Variants in CCDC88A observed in about 807,000 individuals in gnomAD.
The protein encoded by CCDC88A is girdin.
Under a neutral mutation model 234.3 loss-of-function variants are expected in CCDC88A, and 54 were observed. The observed-to-expected ratio is 0.23, with a 90% CI of 0.19 to 0.29. The LOEUF is 0.29. Ranked by LOEUF, CCDC88A falls within the 10% of genes least tolerant of loss-of-function variation. The probability of loss-of-function intolerance (pLI) is 1.00; values close to 1 mark genes in which losing one functional copy is unlikely to be tolerated. For missense variants in CCDC88A, 1,832 were observed against 2,123.4 expected (o/e 0.86, Z 2.70); for synonymous variants, 753 against 737.8 (o/e 1.02, Z -0.33).
At chr2:55,376,480 C>G (rs1673669725) in intron 3 of CCDC88A, among the ~76,000 whole-genome samples, 2 of 152,012 alleles carry the variant, frequency 1.3e-5, no homozygotes, top group African/African-American at 4.8e-5. Context: ...GAGCACTTAC[C>G]CATGGTCAGT....
intron 5 of CCDC88A, among the ~76,000 whole-genome samples, chr2:55,371,781 T>C (rs1558761049): frequency 1.1e-5 from 1 of 90,694 alleles, no homozygotes; most frequent in Non-Finnish European, 2.4e-5. Context: ...CCACCACGCC[T>C]AGCCCACTCT....
intron 12 of CCDC88A, chr2:55,340,138 T>C (rs1285863764): frequency 6.6e-6 from 1 of 152,320 alleles, no homozygotes; most frequent in Non-Finnish European, 1.5e-5. Context: ...ATGTTTAACT[T>C]TTAATGCATC....
chr2:55,419,649 T>C lies in CCDC88A; in HGVS notation c.-570A>G. ...GTACCAACAGGCAGGGCTCGCCCCTTCCCCCCGAGCAGACACCATTCCTCC... is the reference window on the plus strand; with the variant it reads ...GTACCAACAGGCAGGGCTCGCCCCTCCCCCCCGAGCAGACACCATTCCTCC... On this transcript the variant is annotated 5_prime_UTR_variant, in exon 1 of 33. Coordinates refer to ENST00000436346, the MANE Select transcript of CCDC88A (RefSeq NM_001365480.1). 1 of 149,184 alleles carries C rather than the reference T, an allele frequency of 6.7e-6. No individual in the cohort carries two copies. Among genetic ancestry groups the C allele is most frequent in the Non-Finnish European group, 1.5e-5 (1 of 67,668 alleles). 9.2% of individuals were successfully genotyped at this position (149,184 alleles called of 1,614,324 possible).
chr2:55,394,350 G>C (rs1389329092), intron 2 of CCDC88A: 1 of 152,102 alleles, frequency 6.6e-6, no homozygotes. Context: ...ATTTGGGTTG[G>C]TTCCAAGTCT....
chr2:55,349,495 T>C (rs1669599442), intron 9 of CCDC88A, 23 bp downstream of exon 9: 5 of 1,528,190 alleles, frequency 3.3e-6, no homozygotes, highest in Non-Finnish European at 2.7e-6. Context: ...TGGTCCTAAA[T>C]AACAGATATT....
Position 55,334,217 on chromosome 2 carries a change from G to C in CCDC88A, c.2604C>G (p.Thr868=), listed in dbSNP as rs1685239313. The C allele has an allele frequency of 6.9e-7, 1 of 1,446,942 alleles. No homozygotes were observed. Among genetic ancestry groups the C allele is most frequent in the Non-Finnish European group, 9.1e-7 (1 of 1,102,170 alleles). 89.6% of individuals were successfully genotyped at this position (1,446,942 alleles called of 1,614,324 possible). A position where few individuals can be genotyped will look rare whatever the true frequency, so the allele number is the denominator to read the frequency against. ...KIGNLEKENK[T]LSKEIGIYKE... ...TATATATACCAATTTCTTTGGATAG[G>C]GTTTTGTTTTCTTTTTCCAAATTTC... Residue 868 remains threonine, a synonymous_variant, in exon 15 of 33, where the codon ACC becomes ACG. Transcript: ENST00000436346. This position sits in a 1 kb window ranked among gnomAD's most constrained non-coding sequence, Gnocchi z 6.1.
intron 2 of CCDC88A, among the ~76,000 whole-genome samples, chr2:55,399,349 A>AC (rs1678197640): frequency 6.6e-6 from 1 of 151,862 alleles, no homozygotes; most frequent in South Asian, 2.1e-4. Flanking sequence ...AGATGGTGAA[A>AC]CCCCGTCTCT....
At chr2:55,380,627 T>C (rs987699420) in intron 3 of CCDC88A, among the ~76,000 whole-genome samples, 4 of 152,172 alleles carry the variant, frequency 2.6e-5, no homozygotes, top group African/African-American at 9.7e-5. Context: ...TTTTTCTTTA[T>C]TTTTTTGAGA....
At chr2:55,399,515 A>G (rs1243732897) in intron 2 of CCDC88A, among the ~76,000 whole-genome samples, 1 of 144,686 alleles carries the variant, frequency 6.9e-6, no homozygotes, top group Non-Finnish European at 1.5e-5. Context: ...CGACAGAATG[A>G]GACTCTGTCT....
chr2:55,412,592 G>C (rs139571875), intron 2 of CCDC88A, among the ~76,000 whole-genome samples: 14 of 152,250 alleles, frequency 9.2e-5, no homozygotes, highest in African/African-American at 3.4e-4. Flanking sequence ...GATGATCTGA[G>C]GTAGAACAGT....
intron 2 of CCDC88A, among the ~76,000 whole-genome samples, chr2:55,393,122 G>A (rs886623247): frequency 1.3e-5 from 2 of 151,358 alleles, no homozygotes; most frequent in African/African-American, 4.9e-5. Flanking sequence ...ATTTCCATTG[G>A]TAAAATTTTA....
rs765173549 is a variant in CCDC88A, at chr2:55,309,191, G to A, written c.4143C>T (p.Tyr1381=). ...TAGGAGGAGATGGGTCATAAAATTT[G>A]TATTGATCCATAATTTTCTCTTCTA... The part of the protein sequence containing the change: ...EKLEEKIMDQ[Y]KFYDPSPPRR... Residue 1381 remains tyrosine, a synonymous_variant, in exon 24 of 33, where the codon TAC becomes TAT. Coordinates refer to ENST00000436346, the MANE Select transcript of CCDC88A (RefSeq NM_001365480.1). This position sits in a 1 kb window ranked among gnomAD's most constrained non-coding sequence, Gnocchi z 5.1. 5.8e-6 allele frequency: 9 copies of A among 1,559,916 alleles called. No homozygotes were observed. The highest frequency in any genetic ancestry group is 7.9e-6 in the Non-Finnish European group (9 of 1,138,702).
intron 17 of CCDC88A, among the ~76,000 whole-genome samples, chr2:55,326,264 G>T (rs139977347): frequency 6.6e-6 from 1 of 151,776 alleles, no homozygotes; most frequent in African/African-American, 2.4e-5. Context: ...CGAACTTGCC[G>T]ACCTCAGCCT....
intron 2 of CCDC88A, among the ~76,000 whole-genome samples, chr2:55,396,276 T>G (rs374390053): frequency 6.6e-6 from 1 of 152,228 alleles, no homozygotes; most frequent in Non-Finnish European, 1.5e-5. Context: ...TACAGTTACA[T>G]AAATTTCATT....
chr2:55,341,140 CTTTTTTT>C (rs562623314), intron 12 of CCDC88A, among the ~76,000 whole-genome samples: 20 of 81,354 alleles, frequency 2.5e-4, no homozygotes, highest in African/African-American at 4.1e-4. Flanking sequence ...GAATTTCTTT[CTTTTTTT>C]TTTTTTTTTT....
Position 55,339,713 on chromosome 2 carries a change from C to G in CCDC88A, c.1334-65G>C, listed in dbSNP as rs1668241708. 3 of 1,421,400 alleles carry G rather than the reference C, an allele frequency of 2.1e-6. No individual in the cohort carries two copies. In the East Asian group the frequency reaches 7.1e-5, roughly 34 times the overall value. 88.0% of individuals were successfully genotyped at this position (1,421,400 alleles called of 1,614,324 possible). A position where few individuals can be genotyped will look rare whatever the true frequency, so the allele number is the denominator to read the frequency against. ...CTGTTTTTACTATGTTTACTCTTTACTATTTAAAAAGTTGAGTGTATATGC... is the reference window on the plus strand; with the variant it reads ...CTGTTTTTACTATGTTTACTCTTTAGTATTTAAAAAGTTGAGTGTATATGC... On this transcript the variant is annotated intron_variant, in intron 12 of 32. Transcript: ENST00000436346.
intron 18 of CCDC88A, 56 bp downstream of exon 18, chr2:55,322,472 C>A: frequency 2.1e-6 from 2 of 960,920 alleles, no homozygotes; most frequent in South Asian, 1.8e-5. Flanking sequence ...TAAATATATC[C>A]AGTGATCCTC....
intron 7 of CCDC88A, among the ~76,000 whole-genome samples, chr2:55,357,254 T>G (rs1470325069): frequency 6.6e-6 from 1 of 152,142 alleles, no homozygotes; most frequent in Non-Finnish European, 1.5e-5. Context: ...AGTTCCAATC[T>G]GCTTCCTATC....
At chr2:55,414,003 A>G (rs1043057200) in intron 2 of CCDC88A, among the ~76,000 whole-genome samples, 7 of 152,028 alleles carry the variant, frequency 4.6e-5, no homozygotes, top group African/African-American at 1.7e-4. Flanking sequence ...CAAACAAAAA[A>G]GGGCAGATGA....
Sources: gnomAD v4.1 joint callset for allele counts (sites outside exome capture counted in the v4.1 genomes callset) on GRCh38, gnomAD v4.1.1 for gene constraint, Gnocchi (gnomAD v3.1) non-coding constraint, MANE v1.5 for transcripts, NCBI Gene and HGNC (gene_info 2026-07-23, HGNC 2026-07-21) for gene names.